The following SEMA6D variants were observed in gnomAD, a reference collection of about 807,000 sequenced individuals.
SEMA6D encodes the protein semaphorin 6D, also known as semaphorin-6D.
SEMA6D carries 35 observed loss-of-function variants against 106.6 expected under a neutral mutation model. That is an observed-to-expected ratio of 0.33 (90% confidence interval 0.25 to 0.44). The LOEUF (loss-of-function observed/expected upper bound fraction) is 0.44. Among genes scored for constraint, SEMA6D ranks in the 20% least tolerant of loss-of-function variants. SEMA6D has a pLI of 1.00. For synonymous variants in SEMA6D, 499 were observed against 487.7 expected (o/e 1.02, Z -0.31); for missense variants, 1,185 against 1,345.9 (o/e 0.88, Z 1.87).
At chr15:47,723,293 C>T (rs917729866) in intron 1 of SEMA6D, among the ~76,000 whole-genome samples, 6 of 152,126 alleles carry the variant, frequency 3.9e-5, no homozygotes, top group Admixed American at 3.3e-4. Flanking sequence ...CATCCTAGAA[C>T]GGTATCTTCT....
chr15:47,555,253 A>G (rs1459745407), intron 3 of SEMA6D, among the ~76,000 whole-genome samples: 2 of 151,860 alleles, frequency 1.3e-5, no homozygotes, highest in Non-Finnish European at 2.9e-5. Flanking sequence ...CTCTCTCCCA[A>G]CCCCAGAAAC....
chr15:47,441,410 A>C (rs1157740209), intron 2 of SEMA6D, among the ~76,000 whole-genome samples: 1 of 152,142 alleles, frequency 6.6e-6, no homozygotes, highest in Non-Finnish European at 1.5e-5. Context: ...AACAAGGTGT[A>C]TTGAGAAATG....
chr15:47,414,297 G>C (rs908608161), intron 2 of SEMA6D, among the ~76,000 whole-genome samples: 1 of 152,074 alleles, frequency 6.6e-6, no homozygotes, highest in African/African-American at 2.4e-5. Context: ...TACCACCAAA[G>C]CCTAACTTCT....
chr15:47,747,960 C>G (rs1185394154), intron 1 of SEMA6D, among the ~76,000 whole-genome samples: 2 of 152,254 alleles, frequency 1.3e-5, no homozygotes, highest in Admixed American at 6.5e-5. Flanking sequence ...TATCCACTCT[C>G]TAATCTCAGG....
chr15:47,192,356 A>G (rs561857024), intron 1 of SEMA6D, among the ~76,000 whole-genome samples: 22 of 152,340 alleles, frequency 1.4e-4, no homozygotes, highest in African/African-American at 5.3e-4. Flanking sequence ...CAACAGTTGT[A>G]TCTTAGTAGA....
intron 1 of SEMA6D, among the ~76,000 whole-genome samples, chr15:47,254,879 G>GTT (rs2033717385): frequency 7.2e-6 from 1 of 138,940 alleles, no homozygotes; most frequent in African/African-American, 2.8e-5. Flanking sequence ...GTGGTTTTGT[G>GTT]TGTGTGTGTG....
At chr15:47,526,636 T>C (rs1426108566) in intron 3 of SEMA6D, among the ~76,000 whole-genome samples, 2 of 152,224 alleles carry the variant, frequency 1.3e-5, no homozygotes, top group Non-Finnish European at 2.9e-5. Flanking sequence ...GCAGCCAGCT[T>C]TTCTCCCCTG....
intron 1 of SEMA6D, among the ~76,000 whole-genome samples, chr15:47,748,781 G>A (rs1476935191): frequency 2.0e-5 from 3 of 152,150 alleles, no homozygotes; most frequent in African/African-American, 4.8e-5. Flanking sequence ...ATAGGCCTTC[G>A]GGAACCATTA....
At chr15:47,346,752 T>G (rs2085496514) in intron 1 of SEMA6D, among the ~76,000 whole-genome samples, 1 of 152,098 alleles carries the variant, frequency 6.6e-6, no homozygotes, top group Non-Finnish European at 1.5e-5. Context: ...TAAGTAAATT[T>G]TTATATATTT....
chr15:47,733,179 C>T (rs1320830025), intron 1 of SEMA6D, among the ~76,000 whole-genome samples: 2 of 152,130 alleles, frequency 1.3e-5, no homozygotes, highest in African/African-American at 2.4e-5. Context: ...GACAGGTACC[C>T]ACTCACTTTT....
chr15:47,447,260 T>A (rs1441260010), intron 2 of SEMA6D, among the ~76,000 whole-genome samples: 1 of 152,112 alleles, frequency 6.6e-6, no homozygotes, highest in Non-Finnish European at 1.5e-5. Flanking sequence ...TGTAGTCTAA[T>A]GAGTTGACTG....
At chr15:47,523,032 C>T (rs1456007084) in intron 3 of SEMA6D, among the ~76,000 whole-genome samples, 1 of 152,162 alleles carries the variant, frequency 6.6e-6, no homozygotes, top group Non-Finnish European at 1.5e-5. Context: ...AGAGCCAACC[C>T]ACCAGGGAGG....
intron 4 of SEMA6D, among the ~76,000 whole-genome samples, chr15:47,657,944 G>C (rs2077836139): frequency 6.6e-6 from 1 of 151,402 alleles, no homozygotes. Flanking sequence ...GTTTCGCCTT[G>C]TTAGCCAGGA....
intron 3 of SEMA6D, among the ~76,000 whole-genome samples, chr15:47,510,419 A>G (rs2044188430): frequency 6.6e-6 from 1 of 152,132 alleles, no homozygotes; most frequent in Non-Finnish European, 1.5e-5. Flanking sequence ...CACTGCTGTA[A>G]TCTACTGTTG....
chr15:47,519,050 C>A (rs1182370054), intron 3 of SEMA6D, among the ~76,000 whole-genome samples: 1 of 151,872 alleles, frequency 6.6e-6, no homozygotes, highest in Non-Finnish European at 1.5e-5. Context: ...CATGGTGAAA[C>A]CCTGTCTCTA....
At chr15:47,468,669 G>C (rs1400949368) in intron 2 of SEMA6D, among the ~76,000 whole-genome samples, 4 of 152,172 alleles carry the variant, frequency 2.6e-5, no homozygotes, top group African/African-American at 9.7e-5. Flanking sequence ...CTGTTGACAG[G>C]CTGTGCAATT....
At chr15:47,222,321 T>G (rs924585911) in intron 1 of SEMA6D, among the ~76,000 whole-genome samples, 3 of 152,236 alleles carry the variant, frequency 2.0e-5, no homozygotes, top group African/African-American at 7.2e-5. Context: ...TGAGTCCCAC[T>G]GGGTACAGGA....
intron 3 of SEMA6D, among the ~76,000 whole-genome samples, chr15:47,544,975 G>A (rs2045473085): frequency 6.6e-6 from 1 of 152,012 alleles, no homozygotes; most frequent in African/African-American, 2.4e-5. Flanking sequence ...CTGGAGAAGG[G>A]CAAGTTGTCA....
chr15:47,667,300 A>C lies in SEMA6D; in HGVS notation c.-55+66404A>C, dbSNP rs938828102. Among the ~76,000 whole-genome samples, 17 of 152,362 alleles carry C rather than the reference A, an allele frequency of 1.1e-4. No individual in the cohort carries two copies. The East Asian group carries it at 2.3e-3, about 21-fold the overall frequency. On this transcript the variant is annotated intron_variant, in intron 4 of 19. Transcript: ENST00000558014. ...TTTCTGAAACACTAAGTAATTGTAC[A>C]TAACACTAGGAGTAAGTACAAACAC...
Sources: allele counts gnomAD v4.1 joint callset (sites outside exome capture counted in the v4.1 genomes callset), GRCh38; gene constraint gnomAD v4.1.1; transcripts MANE v1.5; gene names NCBI Gene and HGNC (gene_info 2026-07-23, HGNC 2026-07-21).